Variants in OTOGL observed in about 807,000 individuals in gnomAD.
OTOGL encodes the protein otogelin like, also known as otogelin-like protein.
Under a neutral mutation model 318.5 loss-of-function variants are expected in OTOGL, and 285 were observed. That is an observed-to-expected ratio of 0.89 (90% CI 0.81 to 0.99). OTOGL has a LOEUF of 0.99. Ranked by LOEUF, OTOGL falls within the 50% of genes least tolerant of loss-of-function variation. The probability of loss-of-function intolerance (pLI) is 0.00; values close to 1 mark genes in which losing one functional copy is unlikely to be tolerated. For synonymous variants in OTOGL, 987 were observed against 936.5 expected, an observed-to-expected ratio of 1.05 and a Z score of -0.99; for missense variants, 2,899 against 2,845.6, an observed-to-expected ratio of 1.02 and a Z score of -0.43.
chr12:80,377,239 A>C (rs772114746), intron 58 of OTOGL, 37 bp downstream of exon 58: 2 of 1,479,398 alleles, frequency 1.4e-6, no homozygotes, highest in Non-Finnish European at 1.9e-6. Context: ...ATAAATGCAC[A>C]CATCTTTTTA....
intron 1 of OTOGL, among the ~76,000 whole-genome samples, chr12:80,198,850 C>T (rs1276136014): frequency 6.6e-6 from 1 of 152,166 alleles, no homozygotes. Flanking sequence ...TTTCTCAATT[C>T]CATACCTTCC....
intron 30 of OTOGL, among the ~76,000 whole-genome samples, chr12:80,312,156 C>A (rs1292881894): frequency 6.6e-6 from 1 of 152,114 alleles, no homozygotes; most frequent in African/African-American, 2.4e-5. Flanking sequence ...AAGAATATCA[C>A]AATTACCTGA....
At chr12:80,362,417 G>T (rs1890292859) in intron 52 of OTOGL, among the ~76,000 whole-genome samples, 1 of 152,104 alleles carries the variant, frequency 6.6e-6, no homozygotes, top group African/African-American at 2.4e-5. Context: ...GTAACATGAT[G>T]CTGCCAGCTG....
intron 1 of OTOGL, among the ~76,000 whole-genome samples, chr12:80,197,934 A>AT (rs1472880104): frequency 6.6e-6 from 1 of 152,140 alleles, no homozygotes; most frequent in Admixed American, 6.5e-5. Flanking sequence ...TAGTATAAAA[A>AT]TTTCTTTCTT....
At chr12:80,108,563 G>A (rs1180878950) in intron 1 of OTOGL, among the ~76,000 whole-genome samples, 2 of 151,012 alleles carry the variant, frequency 1.3e-5, no homozygotes, top group Non-Finnish European at 3.0e-5. Flanking sequence ...GAGATACTTT[G>A]AGAATGTGTC....
At chr12:80,269,970 C>A (rs1323357067) in intron 22 of OTOGL, 132 bp from the exon 23 acceptor site, 8 of 758,052 alleles carry the variant, frequency 1.1e-5, no homozygotes, top group Non-Finnish European at 1.7e-5. Context: ...CTTGTAAAAA[C>A]TTCTGTGGGA....
At chr12:80,181,469 T>G (rs895094784) in intron 1 of OTOGL, among the ~76,000 whole-genome samples, 3 of 152,070 alleles carry the variant, frequency 2.0e-5, no homozygotes, top group African/African-American at 7.2e-5. Flanking sequence ...TTTCTTCCCC[T>G]AGGGAGTCTC....
At chr12:80,145,557 A>G (rs1592491931) in intron 1 of OTOGL, among the ~76,000 whole-genome samples, 1 of 151,702 alleles carries the variant, frequency 6.6e-6, no homozygotes, top group Admixed American at 6.6e-5. Context: ...TTTTGGTGCC[A>G]TATGAACTTT....
At chr12:80,345,994 G>A (rs1379596262) in intron 44 of OTOGL, among the ~76,000 whole-genome samples, 1 of 152,156 alleles carries the variant, frequency 6.6e-6, no homozygotes, top group African/African-American at 2.4e-5. Flanking sequence ...ATTGCAAAAC[G>A]GAGGTAGAGA....
At chr12:80,291,782 T>C (rs958689981) in intron 26 of OTOGL, among the ~76,000 whole-genome samples, 1 of 152,194 alleles carries the variant, frequency 6.6e-6, no homozygotes, top group African/African-American at 2.4e-5. Flanking sequence ...AAATAGATTC[T>C]TATTGAACTT....
intron 37 of OTOGL, among the ~76,000 whole-genome samples, chr12:80,331,250 C>G (rs1888048087): frequency 6.6e-6 from 1 of 151,860 alleles, no homozygotes; most frequent in Non-Finnish European, 1.5e-5. Flanking sequence ...ATTGTAAATC[C>G]ACACCCAGAT....
At chr12:80,347,187 C>T (rs776795021) in intron 44 of OTOGL, among the ~76,000 whole-genome samples, 2 of 151,770 alleles carry the variant, frequency 1.3e-5, no homozygotes, top group African/African-American at 4.8e-5. Context: ...ATGTGCAGAA[C>T]GTGCAGGTTT....
chr12:80,149,759 A>T (rs1380586364), intron 1 of OTOGL, among the ~76,000 whole-genome samples: 1 of 152,226 alleles, frequency 6.6e-6, no homozygotes, highest in Non-Finnish European at 1.5e-5. Flanking sequence ...GGTGTGGGAT[A>T]TAATCTTGTG....
At chr12:80,218,490 T>C (rs1245200576) in intron 5 of OTOGL, among the ~76,000 whole-genome samples, 1 of 152,200 alleles carries the variant, frequency 6.6e-6, no homozygotes, top group Non-Finnish European at 1.5e-5. Context: ...AATTAAGATG[T>C]TCTGTGGTTC....
intron 1 of OTOGL, among the ~76,000 whole-genome samples, chr12:80,120,580 C>T (rs1377980830): frequency 2.0e-5 from 3 of 152,010 alleles, no homozygotes; most frequent in Non-Finnish European, 2.9e-5. Flanking sequence ...TGGAGGATCT[C>T]TCCAAAAATC....
At chr12:80,296,571 T>C (rs191597255) in intron 26 of OTOGL, among the ~76,000 whole-genome samples, 5 of 152,170 alleles carry the variant, frequency 3.3e-5, no homozygotes, top group Admixed American at 6.5e-5. Context: ...ACATTTGAGC[T>C]ATAGAAATAA....
At chr12:80,113,580 C>G (rs1869977935) in intron 1 of OTOGL, among the ~76,000 whole-genome samples, 1 of 152,112 alleles carries the variant, frequency 6.6e-6, no homozygotes, top group Admixed American at 6.6e-5. Flanking sequence ...GTTTCTTAAT[C>G]CTGAGTTCTA....
intron 26 of OTOGL, among the ~76,000 whole-genome samples, chr12:80,280,050 A>G (rs1884108891): frequency 6.6e-6 from 1 of 151,744 alleles, no homozygotes; most frequent in African/African-American, 2.4e-5. Context: ...TCTAATAATT[A>G]ATGATGTTGA....
intron 21 of OTOGL, among the ~76,000 whole-genome samples, chr12:80,266,886 C>T (rs1024026277): frequency 1.1e-4 from 16 of 152,078 alleles, no homozygotes; most frequent in African/African-American, 3.6e-4. Flanking sequence ...ACTTTAGTAG[C>T]AGGACTTTAA....
Sources: gnomAD v4.1 joint callset for allele counts (sites outside exome capture counted in the v4.1 genomes callset) on GRCh38, gnomAD v4.1.1 for gene constraint, MANE v1.5 for transcripts, NCBI Gene and HGNC (gene_info 2026-07-23, HGNC 2026-07-21) for gene names.